ADCY5: variants seen among roughly 807,000 people sequenced by gnomAD.
ADCY5 encodes the protein adenylate cyclase type 5.
Under a neutral mutation model 119.7 loss-of-function variants are expected in ADCY5, and 30 were observed. That is an observed-to-expected ratio of 0.25 (90% CI 0.19 to 0.34). The LOEUF (loss-of-function observed/expected upper bound fraction) is 0.34. ADCY5 is among the 10% of genes least tolerant of loss of function. ADCY5 has a pLI of 1.00. For missense variants in ADCY5, 1,324 were observed against 1,775.2 expected, an observed-to-expected ratio of 0.75 and a Z score of 4.57; for synonymous variants, 753 against 762.2, an observed-to-expected ratio of 0.99 and a Z score of 0.20.
At chr3:123,382,315 T>C (rs140632474) in intron 1 of ADCY5, among the ~76,000 whole-genome samples, 12 of 152,312 alleles carry the variant, frequency 7.9e-5, no homozygotes, top group African/African-American at 2.2e-4. Context: ...CAGGCATTGC[T>C]GGTGGGAATA....
At chr3:123,334,556 G>A (rs1941934495) in intron 3 of ADCY5, among the ~76,000 whole-genome samples, 1 of 152,082 alleles carries the variant, frequency 6.6e-6, no homozygotes, top group African/African-American at 2.4e-5. Flanking sequence ...TGGCCAACAT[G>A]GCAAAACCCC....
intron 3 of ADCY5, among the ~76,000 whole-genome samples, chr3:123,335,437 C>T (rs1284413200): frequency 6.6e-6 from 1 of 152,202 alleles, no homozygotes; most frequent in African/African-American, 2.4e-5. Context: ...CTCGTTCGCA[C>T]CTCATAACCA....
Position 123,448,582 on chromosome 3 carries a change from C to G in ADCY5, c.-37G>C. The G allele has an allele frequency of 7.9e-7, 1 of 1,262,566 alleles. No homozygotes were observed. The highest frequency in any genetic ancestry group is 9.9e-7 in the Non-Finnish European group (1 of 1,005,886). 78.2% of individuals were successfully genotyped at this position (1,262,566 alleles called of 1,614,324 possible). A position where few individuals can be genotyped will look rare whatever the true frequency, so the allele number is the denominator to read the frequency against. On this transcript the variant is annotated 5_prime_UTR_variant, in exon 1 of 21. Coordinates refer to ENST00000462833, the MANE Select transcript of ADCY5 (RefSeq NM_183357.3). ...CCTCGTCGTCTCCTTCCTCCTCCCCCGGAAGCCGGGCCGGGGGTCTCCAAG... is the reference window on the plus strand; with the variant it reads ...CCTCGTCGTCTCCTTCCTCCTCCCCGGGAAGCCGGGCCGGGGGTCTCCAAG...
At chr3:123,300,037 G>T in intron 15 of ADCY5, 83 bp downstream of exon 15, 1 of 1,462,038 alleles carries the variant, frequency 6.8e-7, no homozygotes, top group African/African-American at 1.4e-5. Context: ...TCCCTGTGGT[G>T]CCAGAACCCT....
At chr3:123,331,564 G>T (rs1941764401) in intron 4 of ADCY5, among the ~76,000 whole-genome samples, 1 of 152,234 alleles carries the variant, frequency 6.6e-6, no homozygotes, top group African/African-American at 2.4e-5. Flanking sequence ...TGCTCAACTA[G>T]CAAGCACATG....
intron 1 of ADCY5, chr3:123,420,201 GT>G (rs774995077): frequency 6.6e-6 from 1 of 152,264 alleles, no homozygotes; most frequent in South Asian, 2.1e-4. Context: ...TTGATTGTAA[GT>G]TTATGAGTCA....
intron 1 of ADCY5, among the ~76,000 whole-genome samples, chr3:123,401,054 A>G (rs1006270624): frequency 2.7e-4 from 3 of 11,090 alleles, no homozygotes; most frequent in Admixed American, 2.9e-3. Flanking sequence ...CTGTGGGGAC[A>G]CACATGTATG....
At chr3:123,303,893 G>GAAGAGAAGAGAAGAGAAGAGAAGAGA (rs746945989) in intron 13 of ADCY5, among the ~76,000 whole-genome samples, 174 bp downstream of exon 13, 3 of 117,244 alleles carry the variant, frequency 2.6e-5, no homozygotes, top group East Asian at 8.4e-4. Context: ...GAAGAGAAGA[G>GAAGAGAAGAGAAGAGAAGAGAAGAGA]AAGAAAGAAC....
At chr3:123,308,758 G>A (rs906850296) in intron 12 of ADCY5, among the ~76,000 whole-genome samples, 2 of 152,200 alleles carry the variant, frequency 1.3e-5, no homozygotes, top group Admixed American at 6.5e-5. Flanking sequence ...GAACCCGGGA[G>A]GCGGAGCTTG....
intron 1 of ADCY5, among the ~76,000 whole-genome samples, chr3:123,396,733 GGAAGGAAGGAA>G (rs1559860532): frequency 5.1e-4 from 5 of 9,828 alleles, no homozygotes; most frequent in South Asian, 0.013. Flanking sequence ...GAGGGAGGAA[GGAAGGAAGGAA>G]GGAAGGAAGG....
chr3:123,315,884 C>T (rs190049295), intron 11 of ADCY5, among the ~76,000 whole-genome samples: 29 of 152,274 alleles, frequency 1.9e-4, no homozygotes, highest in African/African-American at 7.0e-4. Context: ...TGCACCTGGC[C>T]TCCAGGTTGC....
At chr3:123,400,816 C>T (rs577874176) in intron 1 of ADCY5, among the ~76,000 whole-genome samples, 15 of 151,980 alleles carry the variant, frequency 9.9e-5, no homozygotes, top group African/African-American at 3.1e-4. Flanking sequence ...TGGTGGCATG[C>T]GCCTGTAATC....
intron 17 of ADCY5, among the ~76,000 whole-genome samples, chr3:123,294,100 G>A (rs1576530490): frequency 1.3e-5 from 2 of 152,172 alleles, no homozygotes; most frequent in Non-Finnish European, 2.9e-5. Context: ...GGTTGCAGAC[G>A]ATAACCCACT....
intron 17 of ADCY5, among the ~76,000 whole-genome samples, chr3:123,295,256 G>A (rs1295901529): frequency 6.6e-6 from 1 of 152,260 alleles, no homozygotes; most frequent in Non-Finnish European, 1.5e-5. Flanking sequence ...GTCAAAGTGA[G>A]CTGTGGGTGA....
Position 123,328,099 on chromosome 3 carries a change from G to C in ADCY5, c.1806-340C>G, listed in dbSNP as rs897287490. ...TGGCTCCTGCACGCGACAGGACGGA[G>C]TCCAAATTCACGAGCCTGGCACTCA... On this transcript the variant is annotated intron_variant, in intron 6 of 20. Coordinates refer to ENST00000462833, the MANE Select transcript of ADCY5 (RefSeq NM_183357.3). Among the ~76,000 whole-genome samples the C allele has an allele frequency of 3.3e-5, 5 of 152,014 alleles. No individual in the cohort carries two copies. The East Asian group carries it at 5.8e-4, about 18-fold the overall frequency.
At chr3:123,319,353 CAAAA>C (rs34573753) in intron 10 of ADCY5, among the ~76,000 whole-genome samples, 1 of 118,444 alleles carries the variant, frequency 8.4e-6, no homozygotes, top group Admixed American at 8.5e-5. Context: ...AACTCCGTCT[CAAAA>C]AAAAAAAAAA....
At chr3:123,370,904 A>G (rs1482236186) in intron 1 of ADCY5, among the ~76,000 whole-genome samples, 1 of 152,076 alleles carries the variant, frequency 6.6e-6, no homozygotes, top group African/African-American at 2.4e-5. Context: ...CAGGGCACAC[A>G]AAGCCAAGGG....
chr3:123,386,905 C>G (rs935740123), intron 1 of ADCY5, among the ~76,000 whole-genome samples: 1 of 152,220 alleles, frequency 6.6e-6, no homozygotes, highest in African/African-American at 2.4e-5. Flanking sequence ...CAGCAGAAAC[C>G]GGCCACTCCA....
Position 123,349,397 on chromosome 3 carries a change from C to T in ADCY5, c.1285-1494G>A, listed in dbSNP as rs6808040. On this transcript the variant is annotated intron_variant, in intron 2 of 20. Coordinates refer to ENST00000462833, the MANE Select transcript of ADCY5 (RefSeq NM_183357.3). ...TCTGGAAACAGCTCTCACACTTGTC[C>T]TTTCTGTTCTGTGCCTTCCTCCACT... Among the ~76,000 whole-genome samples the T allele has an allele frequency of 2.9e-3, 449 of 152,314 alleles. 3 individuals carry two copies. The highest frequency in any genetic ancestry group is 0.01 in the African/African-American group (431 of 41,566).
Sources: gnomAD v4.1 joint callset for allele counts (sites outside exome capture counted in the v4.1 genomes callset) on GRCh38, gnomAD v4.1.1 for gene constraint, MANE v1.5 for transcripts, NCBI Gene and HGNC (gene_info 2026-07-23, HGNC 2026-07-21) for gene names.